PCDHGA5: variants seen among roughly 807,000 people sequenced by gnomAD.
PCDHGA5 encodes the protein protocadherin gamma-A5.
PCDHGA5 carries 36 observed loss-of-function variants against 56.7 expected under a neutral mutation model. The observed-to-expected ratio is 0.64, with a 90% CI of 0.49 to 0.84. The LOEUF (loss-of-function observed/expected upper bound fraction) is 0.84, where lower values mean the gene tolerates loss of function less well. Ranked by LOEUF, PCDHGA5 falls within the 40% of genes least tolerant of loss-of-function variation. The pLI is 0.00. For synonymous variants in PCDHGA5, 563 were observed against 520.2 expected, an observed-to-expected ratio of 1.08 and a Z score of -1.12; for missense variants, 1,305 against 1,201.5, an observed-to-expected ratio of 1.09 and a Z score of -1.27.
chr5:141,377,724 A>T (rs549902283), intron 1 of PCDHGA5: 1 of 152,244 alleles, frequency 6.6e-6, no homozygotes, highest in Non-Finnish European at 1.5e-5. Flanking sequence ...TTTTGAAAAG[A>T]TAAGAATCAT....
At chr5:141,494,215 G>T (rs984086536) in intron 1 of PCDHGA5, among the ~76,000 whole-genome samples, 2 of 152,200 alleles carry the variant, frequency 1.3e-5, no homozygotes, top group Non-Finnish European at 2.9e-5. Context: ...GCCCAATCTG[G>T]CATGACTCCT....
rs370067669 is a variant in PCDHGA5 at position 141,419,410 on chromosome 5, G to A, written c.2421+52659G>A. ...CGCAGAGCGGGGTGGTGTTCGCGCA[G>A]CGCGCCTTCGACCACGAGCAGCTGC... On this transcript the variant is annotated intron_variant, in intron 1 of 3. Coordinates refer to ENST00000518069, the MANE Select transcript of PCDHGA5 (RefSeq NM_018918.3). 140 of 1,613,468 alleles carry A rather than the reference G, an allele frequency of 8.7e-5. No individual in the cohort carries two copies. In the African/African-American group the frequency reaches 1.8e-3, roughly 20 times the overall value.
rs367926929 is a variant in PCDHGA5 at position 141,372,227 on chromosome 5, C to G, written c.2421+5476C>G. 4.8e-4 allele frequency: 778 copies of G among 1,613,442 alleles called. 3 individuals are homozygous for G. The African/African-American group carries it at 9.4e-3, about 19-fold the overall frequency. On this transcript the variant is annotated intron_variant, in intron 1 of 3. Coordinates refer to ENST00000518069, the MANE Select transcript of PCDHGA5 (RefSeq NM_018918.3). ...GGCTGTCCTACCACATTGTGCAGGC[C>G]AGCGAGCCCGGGCTGTTCAGCCTGG...
At chr5:141,481,913 CAAAA>C (rs34114744) in intron 1 of PCDHGA5, among the ~76,000 whole-genome samples, 1 of 90,848 alleles carries the variant, frequency 1.1e-5, no homozygotes, top group Non-Finnish European at 2.2e-5. Context: ...AACTCCATCT[CAAAA>C]AAAAAAAAAA....
chr5:141,407,947 G>C (rs910743144), intron 1 of PCDHGA5: 7 of 561,352 alleles, frequency 1.2e-5, no homozygotes, highest in South Asian at 3.4e-5. Context: ...CGCCGCTGTC[G>C]GCCAGTGCAG....
intron 1 of PCDHGA5, among the ~76,000 whole-genome samples, chr5:141,467,571 A>T (rs1228156610): frequency 6.6e-6 from 1 of 152,212 alleles, no homozygotes; most frequent in African/African-American, 2.4e-5. Context: ...ATGGCTATCC[A>T]GTTGTCCCAA....
In PCDHGA5 at chr5:141,477,928, C is replaced by T; in HGVS notation, c.2422-16879C>T. On this transcript the variant is annotated intron_variant, in intron 1 of 3. Coordinates refer to ENST00000518069, the MANE Select transcript of PCDHGA5 (RefSeq NM_018918.3). This position sits in a 1 kb window ranked among gnomAD's most constrained non-coding sequence, Gnocchi z 4.9. ...GGGACGCGGATGCAGGGCACAATGC[C>T]TGGCTCTCCTACAGTCTCTTGGGAT... The T allele has an allele frequency of 6.2e-7, 1 of 1,614,186 alleles. No individual in the cohort carries two copies.
intron 1 of PCDHGA5, chr5:141,415,426 C>T: frequency 6.2e-7 from 1 of 1,614,194 alleles, no homozygotes; most frequent in Non-Finnish European, 8.5e-7. Flanking sequence ...GGACGGGGTT[C>T]GGGCTTTCCT....
At position 141,393,913 on chromosome 5, in the gene PCDHGA5, C is replaced by T. The variant is rs1170452204; in HGVS notation, c.2421+27162C>T. ...AATTCTCTTCCCGGGACAGTAATTG[C>T]CTTCTTGAGTGTGCATGACCAAGAC... On this transcript the variant is annotated intron_variant, in intron 1 of 3. Coordinates refer to ENST00000518069, the MANE Select transcript of PCDHGA5 (RefSeq NM_018918.3). 3.1e-6 allele frequency: 5 copies of T among 1,613,780 alleles called. No homozygotes were observed. The South Asian group carries it at 3.3e-5, about 11-fold the overall frequency.
Position 141,487,532 on chromosome 5 carries a change from A to T in PCDHGA5, c.2422-7275A>T. 6.2e-7 allele frequency: 1 copy of T among 1,614,158 alleles called. No homozygotes were observed. The highest frequency in any genetic ancestry group is 8.5e-7 in the Non-Finnish European group (1 of 1,180,022). ...ACCCACTCGGAGTGATAGCTTCATG[A>T]TGGTGAAGTCACCCAGTGCACCTAT... is the stretch of plus-strand genomic sequence containing the variant. On this transcript the variant is annotated intron_variant, in intron 1 of 3. Transcript: ENST00000518069. This position sits in a 1 kb window ranked among gnomAD's most constrained non-coding sequence, Gnocchi z 5.0.
chr5:141,479,752 T>C (rs770200359), intron 1 of PCDHGA5: 4 of 152,236 alleles, frequency 2.6e-5, no homozygotes, highest in Non-Finnish European at 4.4e-5. Context: ...ATGTGAAAGG[T>C]AGATAAATTC....
chr5:141,399,546 G>A, intron 1 of PCDHGA5: 1 of 1,614,032 alleles, frequency 6.2e-7, no homozygotes, highest in Non-Finnish European at 8.5e-7. Context: ...TCTGCGCCTC[G>A]GACCTGGACT....
chr5:141,458,633 A>C (rs548586597), intron 1 of PCDHGA5, among the ~76,000 whole-genome samples: 12 of 151,884 alleles, frequency 7.9e-5, no homozygotes, highest in Non-Finnish European at 1.5e-4. Flanking sequence ...GCAGTGGCAC[A>C]ATCCCAGCTC....
At chr5:141,410,348 C>T (rs761119683) in intron 1 of PCDHGA5, 3 of 1,614,034 alleles carry the variant, frequency 1.9e-6, no homozygotes, top group East Asian at 2.2e-5. Context: ...CTTGCGCCTG[C>T]GACGCTCTCT....
In PCDHGA5 at chr5:141,438,621, TATATATATATATATACACAC is replaced by T. The variant is rs1185208192; in HGVS notation, c.2422-56184_2422-56165del. Among the ~76,000 whole-genome samples, 212 of 41,372 alleles carry T rather than the reference TATATATATATATATACACAC, an allele frequency of 5.1e-3. 1 individual carries two copies. The highest frequency in any genetic ancestry group is 0.03 in the African/African-American group (177 of 5,808). 27.1% of individuals were successfully genotyped at this position (41,372 alleles called of 152,430 possible). On this transcript the variant is annotated intron_variant, in intron 1 of 3. Transcript: ENST00000518069. ...ATATATATATATATATATATATATA[TATATATATATATATACACAC>T]ACACACACACATATATGTATATATA...
chr5:141,485,944 G>C lies in PCDHGA5; in HGVS notation c.2422-8863G>C, dbSNP rs2099621875. 1 of 1,613,998 alleles carries C rather than the reference G, an allele frequency of 6.2e-7. No homozygotes were observed. Reference sequence around the variant, plus strand: ...TTAGTGTGTTGGAGAGCGCACCAGCGGGCATGGTGCTCATCCAGCTCAATG... The same window carrying C: ...TTAGTGTGTTGGAGAGCGCACCAGCCGGCATGGTGCTCATCCAGCTCAATG... On this transcript the variant is annotated intron_variant, in intron 1 of 3. Transcript: ENST00000518069. This position sits in a 1 kb window ranked among gnomAD's most constrained non-coding sequence, Gnocchi z 5.7.
Position 141,511,410 on chromosome 5 carries a change from T to TA in PCDHGA5, c.*238dup. On this transcript the variant is annotated 3_prime_UTR_variant, in exon 4 of 4. Coordinates refer to ENST00000518069, the MANE Select transcript of PCDHGA5 (RefSeq NM_018918.3). ...GGAACCCCCATCCAATCAACTGCTG[T>TA]ACCCATGGGGGTAGTGGGGTTACTG... The TA allele has an allele frequency of 1.1e-6, 1 of 908,822 alleles. No homozygotes were observed. The highest frequency in any genetic ancestry group is 1.6e-6 in the Non-Finnish European group (1 of 624,204). 56.3% of individuals were successfully genotyped at this position (908,822 alleles called of 1,614,324 possible).
In PCDHGA5 at chr5:141,490,912, AATG is replaced by A; in HGVS notation, c.2422-3892_2422-3890del. 6.2e-7 allele frequency: 1 copy of A among 1,613,644 alleles called. No homozygotes were observed. Among genetic ancestry groups the A allele is most frequent in the Non-Finnish European group, 8.5e-7 (1 of 1,179,684 alleles). On this transcript the variant is annotated intron_variant, in intron 1 of 3. Transcript: ENST00000518069. This position sits in a 1 kb window ranked among gnomAD's most constrained non-coding sequence, Gnocchi z 5.4. ...TCTGCATGTGTTTGTCCTAGACGAG[AATG>A]ATAATGCCCCAGCTGTGCTGCACCC...
chr5:141,410,435 G>A (rs772158163), intron 1 of PCDHGA5: 1 of 1,614,054 alleles, frequency 6.2e-7, no homozygotes, highest in Non-Finnish European at 8.5e-7. Context: ...CAACTACAGT[G>A]AGGGGACTTT....
Sources: allele counts gnomAD v4.1 joint callset (sites outside exome capture counted in the v4.1 genomes callset), GRCh38; gene constraint gnomAD v4.1.1; non-coding constraint Gnocchi (gnomAD v3.1); transcripts MANE v1.5; gene names NCBI Gene and HGNC (gene_info 2026-07-23, HGNC 2026-07-21).